The following ERC1 variants were observed in gnomAD, a reference collection of about 807,000 sequenced individuals.
ERC1 encodes the protein ELKS/RAB6-interacting/CAST family member 1.
A neutral mutation model predicts 132.0 loss-of-function variants in ERC1; 56 were observed. The observed-to-expected ratio is 0.42, with a 90% CI of 0.34 to 0.53. The LOEUF (loss-of-function observed/expected upper bound fraction) is 0.53, where lower values mean the gene tolerates loss of function less well. Among genes scored for constraint, ERC1 ranks in the 20% least tolerant of loss-of-function variants. The probability of loss-of-function intolerance (pLI) is 0.03; values close to 1 mark genes in which losing one functional copy is unlikely to be tolerated. For synonymous variants in ERC1, 478 were observed against 476.1 expected (o/e 1.00, Z -0.05); for missense variants, 1,202 against 1,349.9 (o/e 0.89, Z 1.72).
intron 7 of ERC1, among the ~76,000 whole-genome samples, chr12:1,121,671 A>G (rs55701701): frequency 0.015 from 130 of 8,398 alleles, 5 homozygotes; most frequent in South Asian, 0.069. Context: ...CTCTATCTCT[A>G]TCTCTATCTA....
At chr12:1,057,526 A>C (rs985708184) in intron 2 of ERC1, among the ~76,000 whole-genome samples, 1 of 147,034 alleles carries the variant, frequency 6.8e-6, no homozygotes, top group Admixed American at 6.8e-5. Flanking sequence ...CTTTTATTGT[A>C]CTTTTTTTTT....
chr12:1,484,221 T>C (rs937010968), intron 18 of ERC1, among the ~76,000 whole-genome samples: 15 of 151,560 alleles, frequency 9.9e-5, no homozygotes, highest in South Asian at 4.2e-4. Flanking sequence ...AGGAGGATGG[T>C]GTGAACCTGG....
chr12:1,392,253 C>G (rs931248450), intron 16 of ERC1, among the ~76,000 whole-genome samples: 2 of 152,034 alleles, frequency 1.3e-5, no homozygotes, highest in African/African-American at 4.8e-5. Flanking sequence ...TGAAGACAAG[C>G]CAGAGAGATG....
At chr12:1,231,012 T>G (rs975247508) in intron 12 of ERC1, among the ~76,000 whole-genome samples, 1 of 152,196 alleles carries the variant, frequency 6.6e-6, no homozygotes, top group Non-Finnish European at 1.5e-5. Context: ...AAAAGTCTGT[T>G]AGCCACTCTG....
intron 15 of ERC1, among the ~76,000 whole-genome samples, chr12:1,304,811 A>C (rs1308659371): frequency 2.0e-5 from 1 of 50,968 alleles, no homozygotes; most frequent in African/African-American, 6.4e-5. Context: ...TTTTTTTGAG[A>C]CGGAGTCTCG....
intron 3 of ERC1, among the ~76,000 whole-genome samples, chr12:1,091,640 C>G (rs1398218450): frequency 6.6e-6 from 1 of 152,166 alleles, no homozygotes; most frequent in Non-Finnish European, 1.5e-5. Flanking sequence ...AAAGTACCTG[C>G]CTTTATGATC....
chr12:1,138,699 A>G lies in ERC1; in HGVS notation c.1570-2921A>G, dbSNP rs565369246. 1.4e-3 allele frequency among the ~76,000 whole-genome samples: 211 copies of G among 152,284 alleles called. 2 individuals are homozygous for G. The highest frequency in any genetic ancestry group is 2.2e-3 in the Non-Finnish European group (152 of 68,036). ...AAGAAGGAAAGTATAGTATTTATTC[A>G]GAGAATGGCAGTACTGCTGCAATGG... On this transcript the variant is annotated intron_variant, in intron 7 of 18. Transcript: ENST00000360905.
At chr12:1,164,355 A>G (rs1333177834) in intron 8 of ERC1, among the ~76,000 whole-genome samples, 2 of 144,598 alleles carry the variant, frequency 1.4e-5, no homozygotes, top group African/African-American at 2.6e-5. Flanking sequence ...ATGTTATTTT[A>G]TTTTTGAGAC....
intron 16 of ERC1, among the ~76,000 whole-genome samples, chr12:1,405,161 A>AAATAAATAAATAAATG (rs1566786289): frequency 7.2e-6 from 1 of 138,410 alleles, no homozygotes; most frequent in African/African-American, 2.8e-5. Flanking sequence ...ATAAATAAAT[A>AAATAAATAAATAAATG]AATAAATAAA....
intron 1 of ERC1, among the ~76,000 whole-genome samples, chr12:1,016,607 T>TA (rs1965542827): frequency 6.6e-6 from 1 of 151,592 alleles, no homozygotes; most frequent in Admixed American, 6.6e-5. Context: ...AGTATGTATA[T>TA]AACCATTGGG....
intron 2 of ERC1, among the ~76,000 whole-genome samples, chr12:1,033,105 C>T (rs1365524098): frequency 6.6e-6 from 1 of 151,102 alleles, no homozygotes; most frequent in Non-Finnish European, 1.5e-5. Context: ...GGCGTGATCT[C>T]GGCTCACTGC....
chr12:1,006,665 G>A (rs936463717), intron 1 of ERC1, among the ~76,000 whole-genome samples: 1 of 152,000 alleles, frequency 6.6e-6, no homozygotes, highest in Non-Finnish European at 1.5e-5. Context: ...CAAAGTGTTG[G>A]TATTGCAGGC....
chr12:1,458,263 G>T (rs2093579407), intron 18 of ERC1, among the ~76,000 whole-genome samples: 1 of 152,206 alleles, frequency 6.6e-6, no homozygotes, highest in East Asian at 1.9e-4. Flanking sequence ...GGCCCACATG[G>T]TTGAGAGACT....
At chr12:1,463,852 A>G (rs777032608) in intron 18 of ERC1, among the ~76,000 whole-genome samples, 3 of 152,014 alleles carry the variant, frequency 2.0e-5, no homozygotes, top group East Asian at 1.9e-4. Flanking sequence ...AGACAAGGGT[A>G]TCTTGCCAAT....
At chr12:1,209,013 G>T (rs543763654) in intron 12 of ERC1, among the ~76,000 whole-genome samples, 1 of 134,746 alleles carries the variant, frequency 7.4e-6, no homozygotes, top group East Asian at 2.3e-4. Context: ...CTGTCTCCCA[G>T]GCTGGAGTGC....
At chr12:1,414,098 G>A (rs1440823611) in intron 17 of ERC1, among the ~76,000 whole-genome samples, 3 of 152,208 alleles carry the variant, frequency 2.0e-5, no homozygotes, top group Admixed American at 6.5e-5. Flanking sequence ...TCCAGGAGGC[G>A]GAGCTCAGGC....
chr12:1,226,015 A>G (rs2074547471), intron 12 of ERC1, among the ~76,000 whole-genome samples: 1 of 152,234 alleles, frequency 6.6e-6, no homozygotes, highest in South Asian at 2.1e-4. Context: ...ATTAGTTAAT[A>G]TAATTGATAT....
At chr12:1,142,075 C>A (rs1949907297) in intron 8 of ERC1, among the ~76,000 whole-genome samples, 1 of 152,010 alleles carries the variant, frequency 6.6e-6, no homozygotes. Context: ...TTCTTTTGCC[C>A]CTTCTGTCTT....
At chr12:1,150,647 A>G (rs1950749719) in intron 8 of ERC1, among the ~76,000 whole-genome samples, 2 of 152,206 alleles carry the variant, frequency 1.3e-5, no homozygotes, top group African/African-American at 4.8e-5. Context: ...TGTACTTGAT[A>G]TGATCAATGA....
Sources: gnomAD v4.1 joint callset for allele counts (sites outside exome capture counted in the v4.1 genomes callset) on GRCh38, gnomAD v4.1.1 for gene constraint, MANE v1.5 for transcripts, NCBI Gene and HGNC (gene_info 2026-07-23, HGNC 2026-07-21) for gene names.